Variants in DMD observed in about 807,000 individuals in gnomAD.
DMD encodes the protein dystrophin.
DMD carries 63 observed loss-of-function variants against 330.1 expected under a neutral mutation model. The observed-to-expected ratio is 0.19, with a 90% confidence interval of 0.16 to 0.24. The LOEUF (loss-of-function observed/expected upper bound fraction) is 0.24, where lower values mean the gene tolerates loss of function less well. Ranked by LOEUF, DMD falls within the 10% of genes least tolerant of loss-of-function variation. The probability of loss-of-function intolerance (pLI) is 1.00; values close to 1 mark genes in which losing one functional copy is unlikely to be tolerated. For synonymous variants in DMD, 1,223 were observed against 959.8 expected (o/e 1.27, Z -5.07); for missense variants, 3,344 against 2,684.1 (o/e 1.25, Z -5.43).
chrX:32,693,216 G>A (rs770353366), intron 9 of DMD, among the ~76,000 whole-genome samples: 4 of 111,743 alleles, frequency 3.6e-5, no homozygotes, highest in Admixed American at 2.9e-4. Flanking sequence ...CTCCTCTACA[G>A]CCTCCAAAAG....
chrX:31,774,877 G>A (rs1236325594), intron 50 of DMD, among the ~76,000 whole-genome samples: 1 of 111,956 alleles, frequency 8.9e-6, no homozygotes, highest in African/African-American at 3.2e-5. Flanking sequence ...CTGTTTCAAA[G>A]TCATTAAATA....
chrX:32,812,291 C>CA (rs765607433), intron 6 of DMD, among the ~76,000 whole-genome samples: 60 of 109,937 alleles, frequency 5.5e-4, no homozygotes, highest in African/African-American at 1.7e-3. Context: ...ACGAAAAAAA[C>CA]AAAAAAAAAG....
chrX:33,311,348 A>G (rs1455388975), intron 1 of DMD, among the ~76,000 whole-genome samples: 1 of 110,312 alleles, frequency 9.1e-6, no homozygotes, highest in Non-Finnish European at 1.9e-5. Context: ...CTTATCTATA[A>G]TATATATACA....
intron 1 of DMD, among the ~76,000 whole-genome samples, chrX:33,266,033 C>G (rs1301110775): frequency 9.0e-6 from 1 of 111,581 alleles, no homozygotes; most frequent in Non-Finnish European, 1.9e-5. Context: ...TTGATATTTA[C>G]TGAGGTTCAT....
At chrX:32,560,706 C>T (rs189044016) in intron 16 of DMD, among the ~76,000 whole-genome samples, 1 of 111,492 alleles carries the variant, frequency 9.0e-6, no homozygotes, top group Non-Finnish European at 1.9e-5. Context: ...TTTCTGTTCC[C>T]GCATTAGTTT....
intron 61 of DMD, among the ~76,000 whole-genome samples, chrX:31,339,925 C>A (rs927483429): frequency 8.9e-6 from 1 of 112,717 alleles, no homozygotes; most frequent in Non-Finnish European, 1.9e-5. Context: ...TTGCCCCACT[C>A]ATATTTCAAA....
chrX:32,719,969 CATATAT>C (rs58382484), intron 7 of DMD, among the ~76,000 whole-genome samples: 8 of 103,366 alleles, frequency 7.7e-5, no homozygotes, highest in Non-Finnish European at 1.4e-4. Context: ...TTCATTCATT[CATATAT>C]ATATATATAT....
chrX:32,821,619 AAT>A (rs972102215), intron 5 of DMD, among the ~76,000 whole-genome samples: 261 of 109,382 alleles, frequency 2.4e-3, no homozygotes, highest in African/African-American at 8.6e-3. Context: ...AAAAATAAAA[AAT>A]AAAAAAATTC....
chrX:31,952,192 G>T (rs1266322120), intron 45 of DMD, among the ~76,000 whole-genome samples: 1 of 111,171 alleles, frequency 9.0e-6, no homozygotes, highest in Non-Finnish European at 1.9e-5. Context: ...ATGTTTTAGG[G>T]TATTGATCTC....
At chrX:32,621,683 G>C (rs749396851) in intron 11 of DMD, among the ~76,000 whole-genome samples, 1 of 110,238 alleles carries the variant, frequency 9.1e-6, no homozygotes, top group South Asian at 3.9e-4. Flanking sequence ...TTTTGGGGTA[G>C]GGACCAGAAT....
chrX:32,825,902 C>G (rs1200637999), intron 4 of DMD, among the ~76,000 whole-genome samples: 2 of 111,212 alleles, frequency 1.8e-5, no homozygotes, highest in Non-Finnish European at 3.8e-5. Context: ...ATGAATTCAA[C>G]TTGGGATGAT....
rs374862112 is a variant in DMD, at chrX:31,875,234, A to C, written c.7052T>G (p.Leu2351Trp). ...TTGGTTTGGTTGGTTATAAATTTCC[A>C]ACTGATTCCTAATAGGAGATAACCA... The part of the protein sequence containing the change: ...LLWLSPIRNQ[L>W]EIYNQPNQEG... The change falls in exon 48 of 79, where the codon TTG (leucine) becomes TGG (tryptophan). Residue 2351 changes from leucine to tryptophan, a missense_variant. Transcript: ENST00000357033. 2 of 1,205,895 alleles carry C rather than the reference A, an allele frequency of 1.7e-6. No homozygotes were observed. The highest frequency in any genetic ancestry group is 3.5e-5 in the African/African-American group (2 of 56,886).
At chrX:32,519,998 G>A (rs931809260) in intron 17 of DMD, among the ~76,000 whole-genome samples, 2 of 111,603 alleles carry the variant, frequency 1.8e-5, no homozygotes, top group Admixed American at 9.5e-5. Context: ...GAAACTTGAC[G>A]GTTCATAGCA....
intron 43 of DMD, among the ~76,000 whole-genome samples, chrX:32,277,780 C>A (rs747604931): frequency 9.1e-6 from 1 of 110,057 alleles, no homozygotes; most frequent in East Asian, 2.9e-4. Flanking sequence ...GAAAGAAAAA[C>A]CACATACCAA....
intron 16 of DMD, among the ~76,000 whole-genome samples, chrX:32,564,991 T>G (rs1444853730): frequency 8.9e-6 from 1 of 111,797 alleles, no homozygotes; most frequent in Non-Finnish European, 1.9e-5. Context: ...TGTTTATATC[T>G]TGAATGACTA....
chrX:32,897,629 C>T (rs908247332), intron 2 of DMD, among the ~76,000 whole-genome samples: 14 of 112,096 alleles, frequency 1.2e-4, no homozygotes, highest in African/African-American at 4.2e-4. Context: ...TAATACAAGT[C>T]GAAAAAGTTG....
intron 2 of DMD, among the ~76,000 whole-genome samples, chrX:32,988,565 A>G (rs751517910): frequency 8.9e-6 from 1 of 112,457 alleles, no homozygotes; most frequent in East Asian, 2.8e-4. Context: ...CTTTGGGATA[A>G]GCTAATCCTA....
At chrX:33,229,101 G>A (rs1242185370) in intron 1 of DMD, among the ~76,000 whole-genome samples, 3 of 110,301 alleles carry the variant, frequency 2.7e-5, no homozygotes, top group East Asian at 2.8e-4. Context: ...TAAGTTCTTC[G>A]TATATAGTCC....
chrX:31,967,616 C>T (rs1157046402), intron 45 of DMD, among the ~76,000 whole-genome samples: 1 of 110,983 alleles, frequency 9.0e-6, no homozygotes, highest in Non-Finnish European at 1.9e-5. Flanking sequence ...TTGTTCATAA[C>T]AATAGTCTCA....
Sources: allele counts gnomAD v4.1 joint callset (sites outside exome capture counted in the v4.1 genomes callset), GRCh38; gene constraint gnomAD v4.1.1; transcripts MANE v1.5; gene names NCBI Gene and HGNC (gene_info 2026-07-23, HGNC 2026-07-21).